INSYN2A: variants seen among roughly 807,000 people sequenced by gnomAD.
The protein encoded by INSYN2A is inhibitory synaptic factor 2A, also known as family with sequence similarity 196 member A.
A neutral mutation model predicts 39.4 loss-of-function variants in INSYN2A; 17 were observed. The ratio of observed to expected loss-of-function variants is 0.43; its 90% CI spans 0.30 to 0.65. INSYN2A has a LOEUF of 0.65. INSYN2A is among the 30% of genes least tolerant of loss of function. The pLI is 0.14. For missense variants in INSYN2A, 595 were observed against 631.2 expected (o/e 0.94, Z 0.61); for synonymous variants, 255 against 265.7 (o/e 0.96, Z 0.39).
In INSYN2A at chr10:127,138,047, T is replaced by C. The variant is rs188665646; in HGVS notation, c.1257-27A>G. On this transcript the variant is annotated intron_variant, in intron 5 of 5. Coordinates refer to ENST00000522781, the MANE Select transcript of INSYN2A (RefSeq NM_001039762.3). ...TAGAAAAGAGAGAGAGTGAAGACTT[T>C]AGCATTTGATCTTTTCCATATGAAG... 8 of 1,573,004 alleles carry C rather than the reference T, an allele frequency of 5.1e-6. No individual in the cohort carries two copies. The East Asian group carries it at 1.6e-4, about 31-fold the overall frequency.
At chr10:127,157,715 G>A (rs1292216288) in intron 4 of INSYN2A, among the ~76,000 whole-genome samples, 1 of 152,174 alleles carries the variant, frequency 6.6e-6, no homozygotes, top group Non-Finnish European at 1.5e-5. Flanking sequence ...CTAAATATAT[G>A]TATGTTTCTC....
Position 127,176,085 on chromosome 10 carries a change from C to T in INSYN2A, c.311G>A (p.Gly104Asp). ...CTTAAGGTCGGGCGAGGTCTGCACGCCTGTGCTCTTGGTGACGTTGGGGAT... is the reference window on the plus strand; with the variant it reads ...CTTAAGGTCGGGCGAGGTCTGCACGTCTGTGCTCTTGGTGACGTTGGGGAT... ...RSIPNVTKST[G>D]VQTSPDLKKC... The change falls in exon 4 of 6, where the codon GGC becomes GAC. Residue 104 changes from glycine (G) to aspartate (D), a missense_variant. This residue lies in a region of INSYN2A where 478 missense variants were observed against 467.4 expected (regional missense o/e 1.02). Transcript: ENST00000522781. The surrounding 1 kb of genome is among the most constrained non-coding windows in gnomAD (Gnocchi z 4.4). 2 of 1,614,158 alleles carry T rather than the reference C, an allele frequency of 1.2e-6. No individual in the cohort carries two copies. Among genetic ancestry groups the T allele is most frequent in the Non-Finnish European group, 8.5e-7 (1 of 1,180,030 alleles).
At chr10:127,169,076 C>A (rs2133805946) in intron 4 of INSYN2A, among the ~76,000 whole-genome samples, 1 of 152,292 alleles carries the variant, frequency 6.6e-6, no homozygotes, top group Non-Finnish European at 1.5e-5. Flanking sequence ...CAAGTCACAT[C>A]ACGCAAACAT....
chr10:127,193,555 A>G (rs150744268), intron 1 of INSYN2A, among the ~76,000 whole-genome samples: 120 of 152,300 alleles, frequency 7.9e-4, no homozygotes, highest in Middle Eastern at 3.4e-3. Flanking sequence ...TCTAAATGAG[A>G]TAGCCATGGC....
intron 4 of INSYN2A, among the ~76,000 whole-genome samples, chr10:127,173,062 T>C (rs1301918302): frequency 6.6e-6 from 1 of 152,046 alleles, no homozygotes; most frequent in African/African-American, 2.4e-5. Context: ...GTGCCGGGCA[T>C]ATAGGGGATG....
chr10:127,174,242 G>A (rs567484563), intron 4 of INSYN2A, among the ~76,000 whole-genome samples: 31 of 152,182 alleles, frequency 2.0e-4, no homozygotes, highest in Non-Finnish European at 3.8e-4. Context: ...GCAACAGGGC[G>A]CTGCCTCCGA....
Position 127,176,177 on chromosome 10 carries a change from C to T in INSYN2A, c.219G>A (p.Arg73=), listed in dbSNP as rs754007845. ...QLSSGQLGEK[R]EAKPVSCRAA... is the part of the protein sequence containing the mutation. ...CTCTGCAGGACACGGGCTTGGCCTCCCGCTTCTCCCCCAGCTGGCCCGAGG... is the reference window on the plus strand; with the variant it reads ...CTCTGCAGGACACGGGCTTGGCCTCTCGCTTCTCCCCCAGCTGGCCCGAGG... The change falls in exon 4 of 6, where the codon CGG becomes CGA. Residue 73 remains arginine (R), a synonymous_variant. Transcript: ENST00000522781. The surrounding 1 kb of genome is among the most constrained non-coding windows in gnomAD (Gnocchi z 4.4). The T allele has an allele frequency of 4.3e-6, 7 of 1,614,138 alleles. No individual in the cohort carries two copies. The East Asian group carries it at 1.6e-4, about 36-fold the overall frequency.
chr10:127,138,018 A>G lies in INSYN2A; in HGVS notation c.1259T>C (p.Val420Ala). Residue 420 changes from valine (V) to alanine (A), a missense_variant and splice_region_variant, in exon 6 of 6, where the codon GTG (valine) becomes GCG (alanine). Physicochemically the swap from Val to Ala is moderately conservative, Grantham distance 64. This residue lies in a region of INSYN2A where 117 missense variants were observed against 163.8 expected (regional missense o/e 0.71). Coordinates refer to ENST00000522781, the MANE Select transcript of INSYN2A (RefSeq NM_001039762.3). ...TTCTTGCTGCTTAAAATCCAGCTCC[A>G]CACTAGAAAAGAGAGAGAGTGAAGA... ...CRNSACIIYS[V>A]ELDFKQQEDK... is the part of the protein sequence containing the mutation. 1 of 1,606,168 alleles carries G rather than the reference A, an allele frequency of 6.2e-7. No homozygotes were observed. The highest frequency in any genetic ancestry group is 8.5e-7 in the Non-Finnish European group (1 of 1,177,710).
At chr10:127,177,225 G>A (rs562946023) in intron 2 of INSYN2A, 86 bp from the exon 3 acceptor site, 6 of 152,098 alleles carry the variant, frequency 3.9e-5, no homozygotes, top group Non-Finnish European at 7.3e-5. Flanking sequence ...AAACAATGGT[G>A]GTGGTTTCAG....
At chr10:127,157,710 T>C (rs2053218154) in intron 4 of INSYN2A, among the ~76,000 whole-genome samples, 1 of 152,236 alleles carries the variant, frequency 6.6e-6, no homozygotes, top group Non-Finnish European at 1.5e-5. Context: ...AGTTTCTAAA[T>C]ATATGTATGT....
chr10:127,162,000 G>A (rs2053630973), intron 4 of INSYN2A, among the ~76,000 whole-genome samples: 2 of 152,202 alleles, frequency 1.3e-5, no homozygotes, highest in South Asian at 2.1e-4. Context: ...TGCTCAGGAC[G>A]TTGATGATGG....
rs577603656 is a variant in INSYN2A, at chr10:127,171,376, A to G, written c.1184+3836T>C. 3.3e-5 allele frequency among the ~76,000 whole-genome samples: 5 copies of G among 152,350 alleles called. No homozygotes were observed. The East Asian group carries it at 9.6e-4, about 29-fold the overall frequency. On this transcript the variant is annotated intron_variant, in intron 4 of 5. Coordinates refer to ENST00000522781, the MANE Select transcript of INSYN2A (RefSeq NM_001039762.3). ...ATTTTACAATAAACATGTTCTAAGA[A>G]ACATACATTGCCCAGGGCCATCAGC...
chr10:127,152,018 TA>T, intron 5 of INSYN2A, among the ~76,000 whole-genome samples: 2 of 152,126 alleles, frequency 1.3e-5, no homozygotes, highest in African/African-American at 2.4e-5. Flanking sequence ...CACATATATA[TA>T]TATATTTTTT....
chr10:127,185,412 G>A (rs555479401), intron 2 of INSYN2A, among the ~76,000 whole-genome samples: 1 of 152,290 alleles, frequency 6.6e-6, no homozygotes, highest in Admixed American at 6.5e-5. Context: ...TGTAATCCCA[G>A]CTACTTGGGA....
At chr10:127,153,958 T>C in intron 4 of INSYN2A, 35 bp from the exon 5 acceptor site, 2 of 1,514,990 alleles carry the variant, frequency 1.3e-6, no homozygotes, top group East Asian at 2.3e-5. Context: ...TTACAAGCGG[T>C]GGCTGGGGGT....
intron 2 of INSYN2A, among the ~76,000 whole-genome samples, chr10:127,177,900 C>T (rs1332809194): frequency 4.6e-5 from 7 of 152,184 alleles, no homozygotes; most frequent in Non-Finnish European, 7.3e-5. Flanking sequence ...AGAGATGTTG[C>T]GTCATTTTTC....
chr10:127,147,856 C>T (rs576854334), intron 5 of INSYN2A, among the ~76,000 whole-genome samples: 6 of 151,598 alleles, frequency 4.0e-5, no homozygotes, highest in Admixed American at 2.0e-4. Flanking sequence ...TATGGTGAAA[C>T]CCCATCTCTA....
In INSYN2A at chr10:127,175,077, G is replaced by A. The variant is rs970112397; in HGVS notation, c.1184+135C>T. Reference sequence around the variant, plus strand: ...AATAATCTGCGACCCCTTGGAGCTCGCCACGCCCTTAGACTATGACCTGTT... The same window carrying A: ...AATAATCTGCGACCCCTTGGAGCTCACCACGCCCTTAGACTATGACCTGTT... On this transcript the variant is annotated intron_variant, in intron 4 of 5. Coordinates refer to ENST00000522781, the MANE Select transcript of INSYN2A (RefSeq NM_001039762.3). The surrounding 1 kb of genome is among the most constrained non-coding windows in gnomAD (Gnocchi z 6.3). 9.3e-6 allele frequency: 7 copies of A among 748,748 alleles called. No homozygotes were observed. Among genetic ancestry groups the A allele is most frequent in the Admixed American group, 4.9e-5 (2 of 40,850 alleles). The allele number at this position is 748,748 out of a possible 1,614,324, so 46.4% of individuals were successfully genotyped here.
chr10:127,166,287 G>C (rs1002051310), intron 4 of INSYN2A, among the ~76,000 whole-genome samples: 38 of 152,014 alleles, frequency 2.5e-4, no homozygotes, highest in African/African-American at 8.7e-4. Context: ...GGATGGTCTC[G>C]ATCTCCTGAC....
Sources: gnomAD v4.1 joint callset for allele counts (sites outside exome capture counted in the v4.1 genomes callset) on GRCh38, gnomAD v4.1.1 for gene constraint, gnomAD v4.1.1 regional missense constraint, Gnocchi (gnomAD v3.1) non-coding constraint, MANE v1.5 for transcripts, NCBI Gene and HGNC (gene_info 2026-07-23, HGNC 2026-07-21) for gene names.